PRDM5: variants seen among roughly 807,000 people sequenced by gnomAD.
The protein encoded by PRDM5 is PR domain zinc finger protein 5.
In PRDM5, 56 loss-of-function variants were observed where a neutral mutation model predicts 81.2. The ratio of observed to expected loss-of-function variants is 0.69; its 90% confidence interval spans 0.56 to 0.86. PRDM5 has a LOEUF of 0.86. Ranked by LOEUF, PRDM5 falls within the 40% of genes least tolerant of loss-of-function variation. The probability of loss-of-function intolerance (pLI) is 0.00; values close to 1 mark genes in which losing one functional copy is unlikely to be tolerated. For missense variants in PRDM5, 697 were observed against 770.1 expected (o/e 0.91, Z 1.12); for synonymous variants, 267 against 256.4 (o/e 1.04, Z -0.39).
chr4:120,918,068 A>G (rs959602526), intron 1 of PRDM5, among the ~76,000 whole-genome samples: 7 of 152,200 alleles, frequency 4.6e-5, no homozygotes, highest in African/African-American at 1.7e-4. Flanking sequence ...CTTTTCTGCC[A>G]CTAGTAACTA....
chr4:120,874,595 C>A (rs545114854), intron 2 of PRDM5, among the ~76,000 whole-genome samples: 1 of 152,138 alleles, frequency 6.6e-6, no homozygotes, highest in South Asian at 2.1e-4. Context: ...CAAATAACAG[C>A]CAATTTAAAT....
intron 13 of PRDM5, among the ~76,000 whole-genome samples, chr4:120,768,536 T>C (rs781405419): frequency 1.3e-5 from 2 of 152,158 alleles, no homozygotes; most frequent in African/African-American, 2.4e-5. Context: ...CAGTGTAATA[T>C]AGCTGAAAAT....
At chr4:120,763,326 A>C (rs1250789774) in intron 13 of PRDM5, among the ~76,000 whole-genome samples, 1 of 152,182 alleles carries the variant, frequency 6.6e-6, no homozygotes, top group Admixed American at 6.5e-5. Context: ...CAGAATGAAA[A>C]GAGGTGAGTT....
intron 2 of PRDM5, 152 bp from the exon 3 acceptor site, chr4:120,853,692 T>A: frequency 1.0e-6 from 1 of 983,352 alleles, no homozygotes; most frequent in Non-Finnish European, 1.6e-6. Context: ...ATTCTTCTCT[T>A]AAACACATGT....
At chr4:120,749,445 C>T (rs1743640436) in intron 14 of PRDM5, among the ~76,000 whole-genome samples, 1 of 152,082 alleles carries the variant, frequency 6.6e-6, no homozygotes, top group Admixed American at 6.6e-5. Context: ...CTTAGAGAGC[C>T]CCCAGGTGGC....
At chr4:120,858,239 G>C in intron 2 of PRDM5, among the ~76,000 whole-genome samples, 1 of 152,160 alleles carries the variant, frequency 6.6e-6, no homozygotes, top group Non-Finnish European at 1.5e-5. Flanking sequence ...ATGCCACCAT[G>C]TTTTTGTATT....
intron 13 of PRDM5, among the ~76,000 whole-genome samples, chr4:120,770,732 G>C (rs1169907470): frequency 6.6e-6 from 1 of 151,880 alleles, no homozygotes; most frequent in Non-Finnish European, 1.5e-5. Context: ...ACTTCTTCCT[G>C]GTCCATTTGA....
At chr4:120,791,673 C>G (rs913931070) in intron 10 of PRDM5, among the ~76,000 whole-genome samples, 4 of 152,152 alleles carry the variant, frequency 2.6e-5, no homozygotes, top group African/African-American at 9.7e-5. Flanking sequence ...ACCCTCACCC[C>G]CTGGCTCTGC....
chr4:120,718,123 ATCTTCTGTGAATG>A (rs1324907879), intron 14 of PRDM5, among the ~76,000 whole-genome samples: 1 of 152,236 alleles, frequency 6.6e-6, no homozygotes, highest in Non-Finnish European at 1.5e-5. Flanking sequence ...CTGTGGTTAT[ATCTTCTGTGAATG>A]CACTAGGGAT....
At chr4:120,827,329 C>G (rs962916962) in intron 3 of PRDM5, among the ~76,000 whole-genome samples, 1 of 152,046 alleles carries the variant, frequency 6.6e-6, no homozygotes, top group Admixed American at 6.6e-5. Flanking sequence ...TTCAAAAAAA[C>G]TTTTGTAATA....
chr4:120,729,708 G>A (rs1249425237), intron 14 of PRDM5, among the ~76,000 whole-genome samples: 1 of 152,206 alleles, frequency 6.6e-6, no homozygotes, highest in African/African-American at 2.4e-5. Flanking sequence ...TTATTATAAT[G>A]TATTACAAGG....
At chr4:120,695,674 C>T (rs1194402018) in intron 15 of PRDM5, among the ~76,000 whole-genome samples, 1 of 152,108 alleles carries the variant, frequency 6.6e-6, no homozygotes, top group East Asian at 1.9e-4. Context: ...TTATTACACA[C>T]TATTTCTTTT....
intron 1 of PRDM5, chr4:120,685,122 T>A (rs1279241575): frequency 6.6e-6 from 1 of 152,120 alleles, no homozygotes; most frequent in African/African-American, 2.4e-5. Context: ...CAGTTTTTAT[T>A]ACTTATGGCA....
intron 9 of PRDM5, among the ~76,000 whole-genome samples, chr4:120,798,683 A>G: frequency 6.6e-6 from 1 of 152,092 alleles, no homozygotes; most frequent in East Asian, 1.9e-4. Context: ...TCAAGGAAGG[A>G]CTCCTATTTC....
intron 15 of PRDM5, among the ~76,000 whole-genome samples, chr4:120,702,850 C>G (rs1212470832): frequency 6.6e-6 from 1 of 152,218 alleles, no homozygotes; most frequent in Non-Finnish European, 1.5e-5. Flanking sequence ...TCACCATAAA[C>G]AACTGATACC....
rs1402025957 is a variant in PRDM5, at chr4:120,694,275, C to T, written c.*836G>A. ...CAAATACAGAGAATCTATTTGGTTT[C>T]TATTTTTAATTATATATATTGGTAT... On this transcript the variant is annotated 3_prime_UTR_variant, in exon 16 of 16. Coordinates refer to ENST00000264808, the MANE Select transcript of PRDM5 (RefSeq NM_018699.4). The T allele has an allele frequency of 6.6e-6, 1 of 151,976 alleles. No homozygotes were observed. Among genetic ancestry groups the T allele is most frequent in the Non-Finnish European group, 1.5e-5 (1 of 67,956 alleles). 9.4% of individuals were successfully genotyped at this position (151,976 alleles called of 1,614,324 possible). A position where few individuals can be genotyped will look rare whatever the true frequency, so the allele number is the denominator to read the frequency against.
chr4:120,761,451 A>G (rs1372595901), intron 13 of PRDM5, among the ~76,000 whole-genome samples: 1 of 152,240 alleles, frequency 6.6e-6, no homozygotes, highest in African/African-American at 2.4e-5. Flanking sequence ...AAATTTATGT[A>G]TGTTACCATA....
chr4:120,776,903 T>C (rs1748230635), intron 13 of PRDM5, among the ~76,000 whole-genome samples: 1 of 152,216 alleles, frequency 6.6e-6, no homozygotes, highest in South Asian at 2.1e-4. Flanking sequence ...TGTTATTCTC[T>C]AATTCCATCC....
chr4:120,732,822 G>C (rs191159029), intron 14 of PRDM5, among the ~76,000 whole-genome samples: 1 of 152,200 alleles, frequency 6.6e-6, no homozygotes, highest in East Asian at 1.9e-4. Context: ...CAGTCTTTAC[G>C]ATATTTTGAC....
Sources: gnomAD v4.1 joint callset for allele counts (sites outside exome capture counted in the v4.1 genomes callset) on GRCh38, gnomAD v4.1.1 for gene constraint, MANE v1.5 for transcripts, NCBI Gene and HGNC (gene_info 2026-07-23, HGNC 2026-07-21) for gene names.